ZMYND11: variants seen among roughly 807,000 people sequenced by gnomAD.
The protein encoded by ZMYND11 is zinc finger MYND-type containing 11, also known as zinc finger MYND domain-containing protein 11.
A neutral mutation model predicts 84.9 loss-of-function variants in ZMYND11; 9 were observed. The ratio of observed to expected loss-of-function variants is 0.11; its 90% CI spans 0.06 to 0.18. The LOEUF is 0.18. Among genes scored for constraint, ZMYND11 ranks in the 10% least tolerant of loss-of-function variants. ZMYND11 has a pLI of 1.00. For synonymous variants in ZMYND11, 250 were observed against 244.1 expected, an observed-to-expected ratio of 1.02 and a Z score of -0.23; for missense variants, 409 against 761.0, an observed-to-expected ratio of 0.54 and a Z score of 5.44.
chr10:241,014 G>GGAAGTTTATTTCC (rs1178915701), intron 9 of ZMYND11, 44 bp downstream of exon 9: 1 of 1,455,596 alleles, frequency 6.9e-7, no homozygotes, highest in Non-Finnish European at 9.5e-7. Context: ...ACAGCTCTAA[G>GGAAGTTTATTTCC]GAAGTTTATT....
At chr10:193,680 T>C (rs1382818920) in intron 2 of ZMYND11, among the ~76,000 whole-genome samples, 2 of 152,232 alleles carry the variant, frequency 1.3e-5, no homozygotes, top group African/African-American at 2.4e-5. Flanking sequence ...GCAACCACCA[T>C]CTCAATTAAG....
upstream of ZMYND11, chr10:135,096 G>A (rs1835597631): frequency 6.7e-6 from 1 of 149,902 alleles, no homozygotes; most frequent in African/African-American, 2.4e-5. The surrounding 1 kb of genome is among the most constrained non-coding windows in gnomAD (Gnocchi z 5.6). Context: ...ATCGCCATGT[G>A]AGCGGCTGCC....
intron 2 of ZMYND11, among the ~76,000 whole-genome samples, chr10:198,182 A>T (rs1942264273): frequency 6.6e-6 from 1 of 152,198 alleles, no homozygotes; most frequent in Admixed American, 6.5e-5. Context: ...GTAGTTATAT[A>T]TGTCACAGTA....
At chr10:213,583 T>G (rs973008793) in intron 3 of ZMYND11, among the ~76,000 whole-genome samples, 4 of 152,198 alleles carry the variant, frequency 2.6e-5, no homozygotes, top group African/African-American at 9.6e-5. Context: ...TGTTATTTTT[T>G]AAATGGGTGG....
intron 11 of ZMYND11, 102 bp from the exon 12 acceptor site, chr10:247,296 G>A: frequency 7.7e-7 from 1 of 1,299,838 alleles, no homozygotes; most frequent in East Asian, 2.5e-5. Context: ...GCAAAAGGTA[G>A]AAATGTATTC....
intron 3 of ZMYND11, among the ~76,000 whole-genome samples, chr10:218,147 A>G (rs1946501284): frequency 6.6e-6 from 1 of 152,224 alleles, no homozygotes; most frequent in Non-Finnish European, 1.5e-5. Context: ...TTTTTCTAAT[A>G]TCATTATAGT....
At chr10:205,539 A>T (rs1478301142) in intron 2 of ZMYND11, among the ~76,000 whole-genome samples, 2 of 151,944 alleles carry the variant, frequency 1.3e-5, no homozygotes, top group Admixed American at 1.3e-4. Flanking sequence ...AAAATTAAAA[A>T]GTTAGTCAGG....
chr10:132,076 C>CATATTCAAAACATCAAT (rs1554750011), upstream of ZMYND11, among the ~76,000 whole-genome samples: 1 of 151,980 alleles, frequency 6.6e-6, no homozygotes, highest in East Asian at 1.9e-4. Flanking sequence ...AAACCACAAC[C>CATATTCAAAACATCAAT]ATATTCAAAA....
chr10:184,866 G>A (rs1233488113), intron 2 of ZMYND11, among the ~76,000 whole-genome samples: 2 of 151,490 alleles, frequency 1.3e-5, no homozygotes, highest in Non-Finnish European at 2.9e-5. Flanking sequence ...AATTTTTCCT[G>A]AGATTTCCTG....
At chr10:241,921 T>C in intron 9 of ZMYND11, 100 bp from the exon 10 acceptor site, 1 of 1,401,950 alleles carries the variant, frequency 7.1e-7, no homozygotes, top group Non-Finnish European at 9.8e-7. Context: ...AAGAAATATT[T>C]TAGAAATAAT....
chr10:240,194 G>C lies in ZMYND11; in HGVS notation c.753+83G>C, dbSNP rs960648342. On this transcript the variant is annotated intron_variant, in intron 8 of 14. Coordinates refer to ENST00000381604, the MANE Select transcript of ZMYND11 (RefSeq NM_001370100.5). The stretch of plus-strand genomic sequence containing the variant: ...GGATTCCACTCTTATCTACATTTTA[G>C]TTGTGCCATTTCCTTTAAATGTCTT... 58 of 1,223,396 alleles carry C rather than the reference G, an allele frequency of 4.7e-5. No homozygotes were observed. The African/African-American group carries it at 7.9e-4, about 17-fold the overall frequency. 75.8% of individuals were successfully genotyped at this position (1,223,396 alleles called of 1,614,324 possible).
chr10:206,607 A>G (rs1466558097), intron 2 of ZMYND11, among the ~76,000 whole-genome samples: 1 of 151,900 alleles, frequency 6.6e-6, no homozygotes, highest in Non-Finnish European at 1.5e-5. Flanking sequence ...CCCCTGCTTC[A>G]TTTAGGTAGC....
At chr10:191,195 A>C (rs1388024859) in intron 2 of ZMYND11, among the ~76,000 whole-genome samples, 1 of 152,230 alleles carries the variant, frequency 6.6e-6, no homozygotes, top group African/African-American at 2.4e-5. Flanking sequence ...TGTTGTGATG[A>C]GTCCCCTTTT....
chr10:144,033 A>G (rs1838114792), intron 1 of ZMYND11, among the ~76,000 whole-genome samples: 1 of 151,962 alleles, frequency 6.6e-6, no homozygotes, highest in African/African-American at 2.4e-5. Flanking sequence ...TGCCATTTGA[A>G]TCATTTGAAA....
chr10:241,062 TTTTAAAATATCATAGTATATA>T, intron 9 of ZMYND11, 92 bp downstream of exon 9: 2 of 1,002,670 alleles, frequency 2.0e-6, no homozygotes, highest in Non-Finnish European at 3.0e-6. Flanking sequence ...CTTCCTAAAT[TTTTAAAATATCATAGTATATA>T]TGGGTTTAAT....
At chr10:233,041 C>T (rs1466329889) in intron 4 of ZMYND11, among the ~76,000 whole-genome samples, 2 of 152,300 alleles carry the variant, frequency 1.3e-5, no homozygotes, top group African/African-American at 2.4e-5. Context: ...CACCAGCGTG[C>T]GCTTGTCCGT....
At position 144,044 on chromosome 10, in the gene ZMYND11, G is replaced by GT. The variant is rs1222638119; in HGVS notation, c.-20+8494dup. ...AAACTGCCATTTGAATCATTTGAAA[G>GT]TTTTTTTTTAATATTTTAAGGACTA... On this transcript the variant is annotated intron_variant, in intron 1 of 14. Coordinates refer to ENST00000381604, the MANE Select transcript of ZMYND11 (RefSeq NM_001370100.5). 1.8e-3 allele frequency among the ~76,000 whole-genome samples: 275 copies of GT among 149,636 alleles called. 1 individual carries two copies. The highest frequency in any genetic ancestry group is 6.9e-3 in the Middle Eastern group (2 of 288).
intron 13 of ZMYND11, 115 bp from the exon 14 acceptor site, chr10:248,788 T>C: frequency 7.0e-7 from 1 of 1,426,578 alleles, no homozygotes; most frequent in Non-Finnish European, 9.4e-7. Context: ...TTTTTACACA[T>C]GTAATGAAGG....
intron 1 of ZMYND11, among the ~76,000 whole-genome samples, chr10:137,660 T>C (rs781841060): frequency 6.6e-6 from 1 of 152,178 alleles, no homozygotes; most frequent in Non-Finnish European, 1.5e-5. Flanking sequence ...GTCATCTTTG[T>C]AGTTTTTCTG....
Sources: allele counts gnomAD v4.1 joint callset (sites outside exome capture counted in the v4.1 genomes callset), GRCh38; gene constraint gnomAD v4.1.1; non-coding constraint Gnocchi (gnomAD v3.1); transcripts MANE v1.5; gene names NCBI Gene and HGNC (gene_info 2026-07-23, HGNC 2026-07-21).